MEGF9: variants seen among roughly 807,000 people sequenced by gnomAD.
The protein encoded by MEGF9 is multiple epidermal growth factor-like domains protein 9.
A neutral mutation model predicts 46.8 loss-of-function variants in MEGF9; 6 were observed. The observed-to-expected ratio is 0.13, with a 90% confidence interval of 0.07 to 0.25. The LOEUF (loss-of-function observed/expected upper bound fraction) is 0.25. Ranked by LOEUF, MEGF9 falls within the 10% of genes least tolerant of loss-of-function variation. The pLI is 1.00. For synonymous variants in MEGF9, 302 were observed against 330.7 expected (o/e 0.91, Z 0.94); for missense variants, 683 against 792.4 (o/e 0.86, Z 1.66).
At chr9:120,673,884 C>T (rs2043761075) in intron 1 of MEGF9, among the ~76,000 whole-genome samples, 1 of 149,482 alleles carries the variant, frequency 6.7e-6, no homozygotes, top group East Asian at 2.0e-4. Flanking sequence ...ACGGGAGAAT[C>T]ACTTGAACTC....
At chr9:120,638,259 T>A (rs1265183928) in intron 2 of MEGF9, among the ~76,000 whole-genome samples, 1 of 152,230 alleles carries the variant, frequency 6.6e-6, no homozygotes, top group African/African-American at 2.4e-5. Flanking sequence ...CCCAAAGTGC[T>A]AGGATCACAG....
intron 5 of MEGF9, among the ~76,000 whole-genome samples, chr9:120,606,297 T>A (rs1184451875): frequency 6.6e-6 from 1 of 152,064 alleles, no homozygotes; most frequent in Non-Finnish European, 1.5e-5. Context: ...GAGCTCTAAA[T>A]CACATAGTTA....
chr9:120,712,436 A>G (rs900348448), intron 1 of MEGF9, among the ~76,000 whole-genome samples: 6 of 152,196 alleles, frequency 3.9e-5, no homozygotes, highest in African/African-American at 9.6e-5. Flanking sequence ...AATAAACTCC[A>G]GAGTCCATAC....
chr9:120,642,232 T>C (rs1001013004), intron 2 of MEGF9, among the ~76,000 whole-genome samples: 3 of 152,232 alleles, frequency 2.0e-5, no homozygotes, highest in Admixed American at 6.5e-5. Flanking sequence ...TTTATTTTCA[T>C]TGTAGCCCAG....
At chr9:120,629,666 G>C (rs1244291198) in intron 2 of MEGF9, among the ~76,000 whole-genome samples, 1 of 151,854 alleles carries the variant, frequency 6.6e-6, no homozygotes, top group African/African-American at 2.4e-5. Flanking sequence ...GGGTGCAGTG[G>C]CTCACATCTG....
chr9:120,625,190 C>T (rs1404314714), intron 2 of MEGF9, among the ~76,000 whole-genome samples: 1 of 152,208 alleles, frequency 6.6e-6, no homozygotes, highest in Non-Finnish European at 1.5e-5. Flanking sequence ...GGAGACTAAT[C>T]CTGCAACCAC....
At chr9:120,695,310 G>A (rs2043869875) in intron 1 of MEGF9, among the ~76,000 whole-genome samples, 1 of 151,970 alleles carries the variant, frequency 6.6e-6, no homozygotes, top group African/African-American at 2.4e-5. Flanking sequence ...TCCTTAAAAA[G>A]CAAGTAATCA....
intron 2 of MEGF9, among the ~76,000 whole-genome samples, chr9:120,658,719 A>G (rs2043688591): frequency 6.6e-6 from 1 of 152,214 alleles, no homozygotes; most frequent in Non-Finnish European, 1.5e-5. Flanking sequence ...AGTGCCTCAC[A>G]TAAGGTCAAA....
At chr9:120,648,596 T>C (rs2043635455) in intron 2 of MEGF9, among the ~76,000 whole-genome samples, 2 of 152,236 alleles carry the variant, frequency 1.3e-5, no homozygotes, top group African/African-American at 2.4e-5. Flanking sequence ...TCCTTGAGAA[T>C]AGAGGTAATA....
chr9:120,606,333 A>G (rs1455221401), intron 5 of MEGF9, among the ~76,000 whole-genome samples: 1 of 152,240 alleles, frequency 6.6e-6, no homozygotes, highest in African/African-American at 2.4e-5. Flanking sequence ...TATGGCAATC[A>G]TTTGAACAAA....
intron 2 of MEGF9, among the ~76,000 whole-genome samples, chr9:120,627,221 C>T (rs2043529352): frequency 6.6e-6 from 1 of 152,096 alleles, no homozygotes; most frequent in Non-Finnish European, 1.5e-5. Context: ...AAAGGATCTG[C>T]AAAATCCTAC....
chr9:120,661,331 T>C (rs1225443737), intron 1 of MEGF9, among the ~76,000 whole-genome samples: 3 of 152,068 alleles, frequency 2.0e-5, no homozygotes, highest in East Asian at 1.9e-4. Flanking sequence ...CTGGGCAACA[T>C]AGTGAAACCA....
chr9:120,631,078 T>C (rs2043548683), intron 2 of MEGF9, among the ~76,000 whole-genome samples: 1 of 152,242 alleles, frequency 6.6e-6, no homozygotes, highest in African/African-American at 2.4e-5. Flanking sequence ...AAACATTTCT[T>C]CTATGTTTTC....
intron 1 of MEGF9, among the ~76,000 whole-genome samples, chr9:120,705,493 A>G (rs960287747): frequency 3.3e-5 from 5 of 151,916 alleles, no homozygotes; most frequent in African/African-American, 1.2e-4. Flanking sequence ...AGGAACGCAT[A>G]GAAGGCTTTA....
At chr9:120,656,577 A>G (rs1293714615) in intron 2 of MEGF9, among the ~76,000 whole-genome samples, 1 of 149,994 alleles carries the variant, frequency 6.7e-6, no homozygotes, top group Non-Finnish European at 1.5e-5. Flanking sequence ...AGATTAAATG[A>G]GATAATGCAC....
chr9:120,692,880 C>T (rs910050016), intron 1 of MEGF9, among the ~76,000 whole-genome samples: 1 of 152,136 alleles, frequency 6.6e-6, no homozygotes, highest in African/African-American at 2.4e-5. Flanking sequence ...CTGACATTGT[C>T]CTTCATCCCC....
intron 2 of MEGF9, among the ~76,000 whole-genome samples, chr9:120,630,764 T>C (rs1401400667): frequency 6.6e-6 from 1 of 152,242 alleles, no homozygotes; most frequent in African/African-American, 2.4e-5. Context: ...TGATTAGTGA[T>C]GTTGAGTACT....
At chr9:120,611,532 C>G (rs1229460076) in intron 4 of MEGF9, among the ~76,000 whole-genome samples, 1 of 151,998 alleles carries the variant, frequency 6.6e-6, no homozygotes, top group South Asian at 2.1e-4. Context: ...ATGAAATGTT[C>G]AGAATGGGCA....
At chr9:120,620,935 T>C (rs2043496862) in intron 3 of MEGF9, among the ~76,000 whole-genome samples, 1 of 152,214 alleles carries the variant, frequency 6.6e-6, no homozygotes, top group African/African-American at 2.4e-5. Flanking sequence ...AACCGATTTT[T>C]CCAGGGTACT....
Sources: gnomAD v4.1 joint callset for allele counts (sites outside exome capture counted in the v4.1 genomes callset) on GRCh38, gnomAD v4.1.1 for gene constraint, MANE v1.5 for transcripts, NCBI Gene and HGNC (gene_info 2026-07-23, HGNC 2026-07-21) for gene names.